The following ACOXL variants were observed in gnomAD, a reference collection of about 807,000 sequenced individuals.
The protein encoded by ACOXL is acyl-coenzyme A oxidase-like protein.
ACOXL carries 70 observed loss-of-function variants against 71.9 expected under a neutral mutation model. The observed-to-expected ratio is 0.97, with a 90% CI of 0.80 to 1.19. ACOXL has a LOEUF of 1.19. Ranked by LOEUF, ACOXL falls within the 50% of genes most tolerant of loss-of-function variation. The pLI, the probability that ACOXL is intolerant of heterozygous loss-of-function variation, is 0.00. For synonymous variants in ACOXL, 253 were observed against 281.6 expected, an observed-to-expected ratio of 0.90 and a Z score of 1.02; for missense variants, 703 against 736.3, an observed-to-expected ratio of 0.95 and a Z score of 0.52.
Position 111,117,719 on chromosome 2 carries a change from A to AC in ACOXL, c.1649dup (p.Arg551AlafsTer90), listed in dbSNP as rs1052297277. 4 of 1,551,472 alleles carry AC rather than the reference A, an allele frequency of 2.6e-6. No individual in the cohort carries two copies. In the Admixed American group the frequency reaches 7.8e-5, roughly 30 times the overall value. On this transcript the variant is annotated frameshift_variant, in exon 18 of 18. Coordinates refer to ENST00000439055, the MANE Select transcript of ACOXL (RefSeq NM_001142807.4). LOFTEE classifies it low-confidence loss of function (END_TRUNC). ...CACGCACCAATCGCCGGAATCTCCA[A>AC]CCCGCGGGCCGCGTGGGCTTTCTAC...
intron 10 of ACOXL, among the ~76,000 whole-genome samples, chr2:110,845,892 T>C (rs1691779068): frequency 6.6e-6 from 1 of 152,234 alleles, no homozygotes; most frequent in African/African-American, 2.4e-5. Flanking sequence ...GCTATGAATT[T>C]GGATGTACAA....
chr2:110,893,009 CT>C (rs568368286), intron 10 of ACOXL, among the ~76,000 whole-genome samples: 5 of 152,170 alleles, frequency 3.3e-5, no homozygotes, highest in Non-Finnish European at 7.3e-5. Flanking sequence ...CTCTGCTCAT[CT>C]TTAAAAGTTA....
At chr2:110,782,125 G>A (rs1424768976) in intron 2 of ACOXL, among the ~76,000 whole-genome samples, 1 of 152,176 alleles carries the variant, frequency 6.6e-6, no homozygotes, top group Non-Finnish European at 1.5e-5. Context: ...AAACTTACAT[G>A]CTACTACGGA....
rs889601032 is a variant in ACOXL, at chr2:110,965,594, G to A, written c.1060-21514G>A. 7.2e-5 allele frequency among the ~76,000 whole-genome samples: 11 copies of A among 152,232 alleles called. No homozygotes were observed. In the South Asian group the frequency reaches 8.3e-4, roughly 11 times the overall value. On this transcript the variant is annotated intron_variant, in intron 12 of 17. Transcript: ENST00000439055. ...ATCGCTAGGTGATGGGAAATTTTTCGCTGGGCACTTGACTGTATAAAGAAT... is the reference window on the plus strand; with the variant it reads ...ATCGCTAGGTGATGGGAAATTTTTCACTGGGCACTTGACTGTATAAAGAAT...
chr2:111,113,319 A>G (rs899060034), intron 17 of ACOXL, among the ~76,000 whole-genome samples: 1 of 152,236 alleles, frequency 6.6e-6, no homozygotes, highest in African/African-American at 2.4e-5. Context: ...AGTTGTTATG[A>G]GTACTGAATA....
At chr2:110,924,448 G>A (rs1426166491) in intron 11 of ACOXL, among the ~76,000 whole-genome samples, 1 of 152,174 alleles carries the variant, frequency 6.6e-6, no homozygotes, top group Non-Finnish European at 1.5e-5. Context: ...AAACCTTGCT[G>A]CTGCCCTATC....
intron 10 of ACOXL, among the ~76,000 whole-genome samples, chr2:110,843,440 C>T (rs1691425707): frequency 6.6e-6 from 1 of 152,180 alleles, no homozygotes; most frequent in Non-Finnish European, 1.5e-5. Context: ...ACATGGGTCT[C>T]TCAGAACAAA....
Position 111,039,061 on chromosome 2 carries a change from A to AT in ACOXL, c.1369+7348dup, listed in dbSNP as rs374226230. Among the ~76,000 whole-genome samples, 5 of 152,348 alleles carry AT rather than the reference A, an allele frequency of 3.3e-5. No homozygotes were observed. The East Asian group carries it at 9.6e-4, about 29-fold the overall frequency. On this transcript the variant is annotated intron_variant, in intron 15 of 17. Transcript: ENST00000439055. Reference sequence around the variant, plus strand: ...AGTGTGTCTTAAAAACAAGAATTAAATGTGTAAATCATGGAAACTATTGAG... The same window carrying AT: ...AGTGTGTCTTAAAAACAAGAATTAAATTGTGTAAATCATGGAAACTATTGAG...
chr2:110,754,070 A>ATTTTT lies in ACOXL; in HGVS notation c.-22-14282_-22-14278dup, dbSNP rs558367497. ...TGTGTGTGTGTGTGTAGTTCTGTGA[A>ATTTTT]TTTTTTTTTTTTTTTTTTTTGAGAT... On this transcript the variant is annotated intron_variant, in intron 1 of 17. Transcript: ENST00000439055. 3.6e-4 allele frequency among the ~76,000 whole-genome samples: 43 copies of ATTTTT among 119,864 alleles called. 1 individual carries two copies. The highest frequency in any genetic ancestry group is 1.2e-3 in the African/African-American group (39 of 31,786). 78.6% of individuals were successfully genotyped at this position (119,864 alleles called of 152,430 possible). A position where few individuals can be genotyped will look rare whatever the true frequency, so the allele number is the denominator to read the frequency against.
intron 2 of ACOXL, among the ~76,000 whole-genome samples, chr2:110,778,496 A>G (rs944669441): frequency 1.3e-5 from 2 of 152,212 alleles, no homozygotes; most frequent in Non-Finnish European, 2.9e-5. Flanking sequence ...TTTTCTCACC[A>G]TCATGCAGTG....
intron 15 of ACOXL, among the ~76,000 whole-genome samples, chr2:111,033,439 C>A (rs183090616): frequency 6.6e-6 from 1 of 152,270 alleles, no homozygotes; most frequent in Non-Finnish European, 1.5e-5. Context: ...ACGAGCATAT[C>A]TTCAGATAGA....
intron 11 of ACOXL, among the ~76,000 whole-genome samples, chr2:110,920,106 TG>T (rs1266112403): frequency 1.1e-4 from 16 of 152,344 alleles, no homozygotes; most frequent in African/African-American, 3.6e-4. Context: ...GTAGGTCAAG[TG>T]GTAAGTGTAT....
At chr2:110,765,637 C>T (rs1680952310) in intron 1 of ACOXL, among the ~76,000 whole-genome samples, 1 of 152,152 alleles carries the variant, frequency 6.6e-6, no homozygotes, top group Admixed American at 6.5e-5. Flanking sequence ...GATTTGGTGT[C>T]TGGTGAGGGT....
chr2:110,991,067 C>T (rs774513952), intron 13 of ACOXL, among the ~76,000 whole-genome samples: 1 of 151,966 alleles, frequency 6.6e-6, no homozygotes, highest in African/African-American at 2.4e-5. Flanking sequence ...GAAAATAATC[C>T]GGGCTTGGCG....
At chr2:111,006,590 G>C (rs1377908098) in intron 14 of ACOXL, among the ~76,000 whole-genome samples, 2 of 149,962 alleles carry the variant, frequency 1.3e-5, no homozygotes, top group Non-Finnish European at 3.0e-5. Flanking sequence ...ATGAAGTCTC[G>C]CTCTGTCACC....
chr2:110,941,580 T>C (rs1216587423), intron 12 of ACOXL, among the ~76,000 whole-genome samples: 1 of 152,216 alleles, frequency 6.6e-6, no homozygotes, highest in Non-Finnish European at 1.5e-5. Context: ...CTATCTCCTA[T>C]ATCATTATGT....
intron 9 of ACOXL, among the ~76,000 whole-genome samples, chr2:110,816,085 A>G (rs532280427): frequency 6.6e-6 from 1 of 152,128 alleles, no homozygotes; most frequent in South Asian, 2.1e-4. Flanking sequence ...GGATGAATGG[A>G]TAGATGGGTG....
intron 10 of ACOXL, among the ~76,000 whole-genome samples, chr2:110,903,404 TC>T (rs1295173557): frequency 6.6e-6 from 1 of 152,242 alleles, no homozygotes; most frequent in Non-Finnish European, 1.5e-5. Flanking sequence ...GTTGCTGGAA[TC>T]TAGAAATAGC....
chr2:111,013,038 A>G (rs1405194966), intron 14 of ACOXL, among the ~76,000 whole-genome samples: 1 of 152,252 alleles, frequency 6.6e-6, no homozygotes, highest in Admixed American at 6.5e-5. Flanking sequence ...CTTGATCCCT[A>G]GCAAGACTGA....
Sources: gnomAD v4.1 joint callset for allele counts (sites outside exome capture counted in the v4.1 genomes callset) on GRCh38, gnomAD v4.1.1 for gene constraint, MANE v1.5 for transcripts, NCBI Gene and HGNC (gene_info 2026-07-23, HGNC 2026-07-21) for gene names.